Variants in ZNF121 observed in about 807,000 individuals in gnomAD.
ZNF121 encodes zinc finger protein 121 (clone ZHC32).
A neutral mutation model predicts 2.4 loss-of-function variants in ZNF121; 1 was observed. The observed-to-expected ratio is 0.41, with a 90% CI of 0.15 to 1.94. The LOEUF (loss-of-function observed/expected upper bound fraction) is 1.94, where lower values mean the gene tolerates loss of function less well. ZNF121 is among the 30% of genes most tolerant of loss of function. The pLI is 0.30. For missense variants in ZNF121, 369 were observed against 466.3 expected (o/e 0.79, Z 1.92); for synonymous variants, 173 against 158.6 (o/e 1.09, Z -0.68).
intron 1 of ZNF121, among the ~76,000 whole-genome samples, chr19:9,576,401 G>A (rs1373221951): frequency 6.6e-6 from 1 of 150,980 alleles, no homozygotes; most frequent in Non-Finnish European, 1.5e-5. Flanking sequence ...TGGTACAAAA[G>A]CACACAGAAA....
chr19:9,570,127 A>G (rs981768117), intron 1 of ZNF121, among the ~76,000 whole-genome samples: 3 of 151,700 alleles, frequency 2.0e-5, no homozygotes, highest in Admixed American at 6.6e-5. Flanking sequence ...AATCGCTTTT[A>G]CTCAGGAAGC....
At chr19:9,578,478 A>G (rs76164526) in intron 1 of ZNF121, among the ~76,000 whole-genome samples, 5,685 of 152,308 alleles carry the variant, frequency 0.037, 257 homozygotes, top group Admixed American at 0.14. Context: ...TAGCCAAATC[A>G]GCATGGTACT....
At position 9,564,693 on chromosome 19, in the gene ZNF121, T is replaced by C. The variant is rs2074118485; in HGVS notation, c.*1247A>G. 1 of 152,160 alleles carries C rather than the reference T, an allele frequency of 6.6e-6. No homozygotes were observed. The highest frequency in any genetic ancestry group is 1.5e-5 in the Non-Finnish European group (1 of 68,026). The allele number at this position is 152,160 out of a possible 1,614,324, so 9.4% of individuals were successfully genotyped here. A position where few individuals can be genotyped will look rare whatever the true frequency, so the allele number is the denominator to read the frequency against. Reference sequence around the variant, plus strand: ...TGTTGAAAAGACAACAGACTTAGAATATTACATCAACTTAGTTGATCAAGC... The same window carrying C: ...TGTTGAAAAGACAACAGACTTAGAACATTACATCAACTTAGTTGATCAAGC... On this transcript the variant is annotated 3_prime_UTR_variant, in exon 4 of 4. Transcript: ENST00000320451.
intron 1 of ZNF121, among the ~76,000 whole-genome samples, chr19:9,569,378 T>C (rs1397021961): frequency 4.0e-5 from 6 of 151,614 alleles, no homozygotes; most frequent in East Asian, 1.9e-4. Flanking sequence ...CCTGGGGAGG[T>C]TGAGGCTGCA....
At chr19:9,579,094 G>A (rs571901000) in intron 1 of ZNF121, among the ~76,000 whole-genome samples, 1 of 152,006 alleles carries the variant, frequency 6.6e-6, no homozygotes, top group Admixed American at 6.6e-5. Context: ...TGCTCAACAT[G>A]GCTAAACATC....
rs373741537 is a variant in ZNF121 at position 9,566,017 on chromosome 19, T to G, written c.1096A>C (p.Lys366Gln). 3.7e-6 allele frequency: 6 copies of G among 1,613,674 alleles called. No individual in the cohort carries two copies. The African/African-American group carries it at 8.0e-5, about 22-fold the overall frequency. The change falls in exon 4 of 4, where the codon AAA becomes CAA. Residue 366 changes from lysine (K) to glutamine (Q), a missense_variant. Around this residue, in one of 4 missense-constraint regions of ZNF121, gnomAD observed 127 missense variants for 169.9 expected, o/e 0.75. Transcript: ENST00000320451. ...QKHVRIHTGE[K>Q]PYICNECGKA... ...CCACATTCGTTACATATATAGGGTT[T>G]CTCTCCAGTGTGAATTCTAACATGT...
chr19:9,570,925 G>T (rs2074169703), intron 1 of ZNF121, among the ~76,000 whole-genome samples: 1 of 152,186 alleles, frequency 6.6e-6, no homozygotes, highest in South Asian at 2.1e-4. Context: ...CAGAATAGCA[G>T]AAATCAAGAA....
chr19:9,573,330 C>T (rs1204825182), intron 1 of ZNF121, among the ~76,000 whole-genome samples: 2 of 152,018 alleles, frequency 1.3e-5, no homozygotes, highest in South Asian at 4.1e-4. Flanking sequence ...TTAACAACAA[C>T]AAAAAAGAGA....
intron 1 of ZNF121, among the ~76,000 whole-genome samples, chr19:9,576,954 G>A (rs769991647): frequency 5.3e-5 from 8 of 152,078 alleles, no homozygotes; most frequent in Non-Finnish European, 1.0e-4. Context: ...GATTGAAGCC[G>A]TAACAAAATG....
Position 9,566,657 on chromosome 19 carries a change from GA to G in ZNF121, c.455del (p.Phe152SerfsTer36). ...TATTAAGATATGAAGAATATCTAAAGAATTTTCCACATTCCTTACATTCGTA... is the reference window on the plus strand; with the variant it reads ...TATTAAGATATGAAGAATATCTAAAGATTTTCCACATTCCTTACATTCGTA... ...KPYECKECGK[F>X]FRYSSYLNSH... On this transcript the variant is annotated frameshift_variant, in exon 4 of 4. Transcript: ENST00000320451. LOFTEE classifies it low-confidence loss of function (END_TRUNC). The G allele has an allele frequency of 1.9e-6, 3 of 1,614,148 alleles. No homozygotes were observed. The highest frequency in any genetic ancestry group is 2.5e-6 in the Non-Finnish European group (3 of 1,180,002).
Position 9,566,090 on chromosome 19 carries a change from T to C in ZNF121, c.1023A>G (p.Ile341Met). 6.2e-7 allele frequency: 1 copy of C among 1,614,146 alleles called. No homozygotes were observed. The highest frequency in any genetic ancestry group is 8.5e-7 in the Non-Finnish European group (1 of 1,180,022). ...GGAAGGTTTTCCCACATTCCTTACA[T>C]ATATACGGTTTCTCTCCAGTGTGAG... The part of the protein sequence containing the change: ...IRTHTGEKPY[I>M]CKECGKTFRA... Residue 341 changes from isoleucine to methionine, a missense_variant, in exon 4 of 4, where the codon ATA becomes ATG. Ile to Met is a conservative substitution (Grantham distance 10, BLOSUM62 1). This residue lies in a region of ZNF121 where 127 missense variants were observed against 169.9 expected (regional missense o/e 0.75). Coordinates refer to ENST00000320451, the MANE Select transcript of ZNF121 (RefSeq NM_001008727.5).
At position 9,577,598 on chromosome 19, in the gene ZNF121, T is replaced by C. The variant is rs145006632; in HGVS notation, c.-160+6863A>G. On this transcript the variant is annotated intron_variant, in intron 1 of 3. Coordinates refer to ENST00000320451, the MANE Select transcript of ZNF121 (RefSeq NM_001008727.5). The stretch of plus-strand genomic sequence containing the variant: ...ATTCCATGCTCATGGATTAGAATAT[T>C]GTTAAAATGACAATACTACCCAAAG... Among the ~76,000 whole-genome samples the C allele has an allele frequency of 2.4e-3, 361 of 152,244 alleles. 6 individuals are homozygous for C. The highest frequency in any genetic ancestry group is 0.018 in the Admixed American group (281 of 15,290).
At position 9,563,065 on chromosome 19, in the gene ZNF121, A is replaced by C. The variant is rs983493972; in HGVS notation, c.*2875T>G. On this transcript the variant is annotated 3_prime_UTR_variant, in exon 4 of 4. Transcript: ENST00000320451. ...GAGACCATGTCTCAAAAAAAAAAAA[A>C]AAAAAAAAACTGGGATAGGCCAAAA... 1 of 151,194 alleles carries C rather than the reference A, an allele frequency of 6.6e-6. No individual in the cohort carries two copies. Among genetic ancestry groups the C allele is most frequent in the African/African-American group, 2.4e-5 (1 of 41,154 alleles). 9.4% of individuals were successfully genotyped at this position (151,194 alleles called of 1,614,324 possible).
intron 1 of ZNF121, among the ~76,000 whole-genome samples, chr19:9,572,305 A>T (rs1406276525): frequency 3.9e-5 from 6 of 152,184 alleles, no homozygotes; most frequent in Non-Finnish European, 8.8e-5. Context: ...AATGTGGAAA[A>T]TTTCTACCAA....
chr19:9,581,001 T>C (rs2074244892), intron 1 of ZNF121, among the ~76,000 whole-genome samples: 2 of 152,164 alleles, frequency 1.3e-5, no homozygotes, highest in Admixed American at 6.5e-5. Flanking sequence ...TCAGCCCTTA[T>C]CAAACAAAGG....
chr19:9,583,227 A>G (rs1400935475), intron 1 of ZNF121, among the ~76,000 whole-genome samples: 1 of 150,490 alleles, frequency 6.6e-6, no homozygotes, highest in Non-Finnish European at 1.5e-5. Flanking sequence ...AAAAAAACAA[A>G]CAAAAGCCTC....
chr19:9,568,534 C>G (rs1196673665), intron 2 of ZNF121, among the ~76,000 whole-genome samples: 5 of 151,936 alleles, frequency 3.3e-5, no homozygotes, highest in Admixed American at 6.6e-5. Flanking sequence ...ACCACCAGGC[C>G]CGGCTAATTT....
intron 1 of ZNF121, among the ~76,000 whole-genome samples, chr19:9,583,608 A>G (rs1431843632): frequency 2.1e-5 from 3 of 145,114 alleles, no homozygotes; most frequent in Non-Finnish European, 3.0e-5. Context: ...GGTTCACGCC[A>G]TTCTCCTGCC....
Position 9,562,154 on chromosome 19 carries a change from CTGTG to C in ZNF121, c.*3782_*3785del, listed in dbSNP as rs1599732516. On this transcript the variant is annotated 3_prime_UTR_variant, in exon 4 of 4. Coordinates refer to ENST00000320451, the MANE Select transcript of ZNF121 (RefSeq NM_001008727.5). ...CCTTATTATTATACTTACTGTGGTG[CTGTG>C]TGATTTTTTTTTTTTTTTTTTTTTG... 1 of 143,432 alleles carries C rather than the reference CTGTG, an allele frequency of 7.0e-6. No homozygotes were observed. The highest frequency in any genetic ancestry group is 2.0e-4 in the East Asian group (1 of 4,964). The allele number at this position is 143,432 out of a possible 1,614,324, so 8.9% of individuals were successfully genotyped here. A position where few individuals can be genotyped will look rare whatever the true frequency, so the allele number is the denominator to read the frequency against.
Sources: allele counts gnomAD v4.1 joint callset (sites outside exome capture counted in the v4.1 genomes callset), GRCh38; gene constraint gnomAD v4.1.1; regional missense constraint gnomAD v4.1.1; transcripts MANE v1.5; gene names NCBI Gene and HGNC (gene_info 2026-07-23, HGNC 2026-07-21).